The following ZNF730 variants were observed in gnomAD, a reference collection of about 807,000 sequenced individuals.
ZNF730 encodes the protein putative zinc finger protein 730.
Under a neutral mutation model 12.6 loss-of-function variants are expected in ZNF730, and 12 were observed. The observed-to-expected ratio is 0.95, with a 90% CI of 0.61 to 1.54. ZNF730 has a LOEUF of 1.54. Among genes scored for constraint, ZNF730 ranks in the 40% most tolerant of loss-of-function variants. The probability of loss-of-function intolerance (pLI) is 0.00; values close to 1 mark genes in which losing one functional copy is unlikely to be tolerated. For missense variants in ZNF730, 643 were observed against 583.5 expected, an observed-to-expected ratio of 1.10 and a Z score of -1.05; for synonymous variants, 194 against 195.8, an observed-to-expected ratio of 0.99 and a Z score of 0.08.
chr19:23,081,642 A>G (rs1223332101), intron 1 of ZNF730, among the ~76,000 whole-genome samples: 1 of 152,004 alleles, frequency 6.6e-6, no homozygotes, highest in African/African-American at 2.4e-5. Context: ...TTCAGTGGAG[A>G]TGGGATTTTG....
upstream of ZNF730, among the ~76,000 whole-genome samples, chr19:23,113,393 GTC>G (rs935040558): frequency 4.3e-4 from 65 of 152,144 alleles, no homozygotes; most frequent in African/African-American, 1.4e-3. Context: ...ATATAAAATT[GTC>G]TCTCACTAAC....
At chr19:23,096,029 CT>C (rs1970245087) in intron 1 of ZNF730, among the ~76,000 whole-genome samples, 1 of 152,122 alleles carries the variant, frequency 6.6e-6, no homozygotes, top group African/African-American at 2.4e-5. Context: ...ATACGACTCT[CT>C]TCTTACACCT....
chr19:23,130,211 G>A (rs1329086622), intron 1 of ZNF730, among the ~76,000 whole-genome samples: 1 of 152,092 alleles, frequency 6.6e-6, no homozygotes, highest in Non-Finnish European at 1.5e-5. Flanking sequence ...CGCTGTTCTC[G>A]TGATAGTGAA....
In ZNF730 at chr19:23,109,989, G is replaced by A. The variant is rs191596330; in HGVS notation, c.-93-24091G>A. Reference sequence around the variant, plus strand: ...TTATAACCATTTTTTTTTTTAAGACGGAGTTTCACTTTTGTTGCCCAGGCT... The same window carrying A: ...TTATAACCATTTTTTTTTTTAAGACAGAGTTTCACTTTTGTTGCCCAGGCT... On this transcript the variant is annotated intron_variant, in intron 1 of 2. Coordinates refer to the ZNF730 transcript ENST00000593635. 1.3e-3 allele frequency among the ~76,000 whole-genome samples: 198 copies of A among 151,042 alleles called. 1 individual carries two copies. In the South Asian group the frequency reaches 0.017, roughly 13 times the overall value.
At chr19:23,112,702 T>C (rs2145577697), upstream of ZNF730, among the ~76,000 whole-genome samples, 1 of 148,692 alleles carries the variant, frequency 6.7e-6, no homozygotes, top group Middle Eastern at 3.4e-3. Flanking sequence ...CAGGCTGGGC[T>C]ACAGAGCGAG....
At chr19:23,111,338 C>G (rs1375560347) in intron 1 of ZNF730, among the ~76,000 whole-genome samples, 2 of 152,048 alleles carry the variant, frequency 1.3e-5, no homozygotes, top group African/African-American at 4.8e-5. Flanking sequence ...TAAAAGTTTT[C>G]TCATGCAAGA....
At chr19:23,097,278 TCTC>T (rs1246703564) in intron 1 of ZNF730, among the ~76,000 whole-genome samples, 1 of 152,026 alleles carries the variant, frequency 6.6e-6, no homozygotes, top group Non-Finnish European at 1.5e-5. Flanking sequence ...GTCATGTGCT[TCTC>T]CTGCCTGGAC....
At chr19:23,128,405 T>C in intron 1 of ZNF730, 1 of 430,450 alleles carries the variant, frequency 2.3e-6, no homozygotes, top group South Asian at 2.3e-5. Flanking sequence ...CATGCTGCTA[T>C]GTGAGAGAAT....
upstream of ZNF730, among the ~76,000 whole-genome samples, chr19:23,113,450 A>G (rs1422759622): frequency 2.0e-5 from 3 of 152,242 alleles, no homozygotes; most frequent in African/African-American, 4.8e-5. Flanking sequence ...TGATGAAACC[A>G]TAACCTAGGA....
chr19:23,145,865 A>T lies in ZNF730; in HGVS notation c.821A>T (p.His274Leu), dbSNP rs568068501. 2 of 1,609,770 alleles carry T rather than the reference A, an allele frequency of 1.2e-6. No homozygotes were observed. The change falls in exon 4 of 4, where the codon CAT becomes CTT. Residue 274 changes from histidine (H) to leucine (L), a missense_variant. Coordinates refer to ENST00000597761, the MANE Select transcript of ZNF730 (RefSeq NM_001277403.2). ...FFNQSTNLTTHKRIHTGEKPY... is the reference protein window; with the variant it reads ...FFNQSTNLTTLKRIHTGEKPY... ...AACCAATCCACAAACCTTACTACAC[A>T]TAAAAGAATTCATACTGGAGAGAAA... is the stretch of plus-strand genomic sequence containing the variant.
chr19:23,133,010 A>C (rs1276836767), intron 1 of ZNF730, among the ~76,000 whole-genome samples: 1 of 152,224 alleles, frequency 6.6e-6, no homozygotes, highest in African/African-American at 2.4e-5. Context: ...CATCATAAAA[A>C]TTTGCCTTAG....
At chr19:23,116,800 G>A (rs7508384), upstream of ZNF730, among the ~76,000 whole-genome samples, 149,640 of 152,252 alleles carry the variant, frequency 0.98, 73,573 homozygotes, top group Middle Eastern at 1. Flanking sequence ...GTTAAAGTCA[G>A]TACCCTCTGG....
At chr19:23,081,600 G>T (rs1969968040) in intron 1 of ZNF730, among the ~76,000 whole-genome samples, 1 of 152,124 alleles carries the variant, frequency 6.6e-6, no homozygotes, top group South Asian at 2.1e-4. Context: ...GACTACAGGT[G>T]TGAGCCACTG....
At chr19:23,109,007 C>A (rs1442042155) in intron 1 of ZNF730, among the ~76,000 whole-genome samples, 1 of 152,136 alleles carries the variant, frequency 6.6e-6, no homozygotes, top group Non-Finnish European at 1.5e-5. Context: ...GCCTCGGCCT[C>A]TCATTAAGTG....
At chr19:23,097,006 A>G (rs890777108) in intron 1 of ZNF730, among the ~76,000 whole-genome samples, 1 of 152,170 alleles carries the variant, frequency 6.6e-6, no homozygotes, top group African/African-American at 2.4e-5. Flanking sequence ...GGGTATAGTA[A>G]CATATCATTG....
At chr19:23,117,647 G>A (rs925347248) in intron 1 of ZNF730, among the ~76,000 whole-genome samples, 20 of 152,176 alleles carry the variant, frequency 1.3e-4, no homozygotes. Flanking sequence ...CCAGTTATGG[G>A]GTGTAGCTTG....
At chr19:23,093,237 A>G (rs1399740083) in intron 1 of ZNF730, among the ~76,000 whole-genome samples, 3 of 152,164 alleles carry the variant, frequency 2.0e-5, no homozygotes, top group Non-Finnish European at 2.9e-5. Flanking sequence ...TGGCCTCCCA[A>G]AGTGCTAGGA....
At chr19:23,091,520 A>G (rs1274738848) in intron 1 of ZNF730, among the ~76,000 whole-genome samples, 2 of 152,046 alleles carry the variant, frequency 1.3e-5, no homozygotes, top group Non-Finnish European at 2.9e-5. Flanking sequence ...ACTGGGAGGG[A>G]AGCTGTTCCC....
Position 23,145,360 on chromosome 19 carries a change from T to G in ZNF730, c.316T>G (p.Cys106Gly). The change falls in exon 4 of 4, where the codon TGT becomes GGT. Residue 106 changes from cysteine to glycine, a missense_variant. Coordinates refer to ENST00000597761, the MANE Select transcript of ZNF730 (RefSeq NM_001277403.2). ...AGTCATACTGAGACAATATAAAAAA[T>G]GTAGACATGAGAATTTACTGTTAAG... Reference protein sequence around the residue: ...QEVILRQYKKCRHENLLLRKG... With the variant: ...QEVILRQYKKGRHENLLLRKG... 5 of 1,595,088 alleles carry G rather than the reference T, an allele frequency of 3.1e-6. No homozygotes were observed. The highest frequency in any genetic ancestry group is 3.4e-6 in the Non-Finnish European group (4 of 1,171,500).
Sources: allele counts gnomAD v4.1 joint callset (sites outside exome capture counted in the v4.1 genomes callset), GRCh38; gene constraint gnomAD v4.1.1; transcripts MANE v1.5; gene names NCBI Gene and HGNC (gene_info 2026-07-23, HGNC 2026-07-21).